Variants in HEXB observed in about 807,000 individuals in gnomAD.
HEXB encodes hexosaminidase subunit beta.
HEXB carries 51 observed loss-of-function variants against 71.2 expected under a neutral mutation model. The observed-to-expected ratio is 0.72, with a 90% CI of 0.57 to 0.90. HEXB has a LOEUF of 0.90. HEXB is among the 40% of genes least tolerant of loss of function. HEXB has a pLI of 0.00. For missense variants in HEXB, 617 were observed against 677.0 expected (o/e 0.91, Z 0.98); for synonymous variants, 266 against 249.3 (o/e 1.07, Z -0.63).
intron 1 of HEXB, among the ~76,000 whole-genome samples, chr5:74,672,194 C>A (rs1748553183): frequency 6.6e-6 from 1 of 152,240 alleles, no homozygotes. Flanking sequence ...ATCCATCTCC[C>A]TGCCTGTGGT....
chr5:74,685,576 C>G lies in HEXB; in HGVS notation c.299+17C>G, dbSNP rs1330683505. Reference sequence around the variant, plus strand: ...GTTTCGACGGTGAGCGCTCCCGGCCCGGCCGGGAGTTGTCCTGGGGGAGGG... The same window carrying G: ...GTTTCGACGGTGAGCGCTCCCGGCCGGGCCGGGAGTTGTCCTGGGGGAGGG... On this transcript the variant is annotated intron_variant, in intron 1 of 13. Coordinates refer to ENST00000261416, the MANE Select transcript of HEXB (RefSeq NM_000521.4). 6 of 1,530,554 alleles carry G rather than the reference C, an allele frequency of 3.9e-6. No homozygotes were observed. Among genetic ancestry groups the G allele is most frequent in the Non-Finnish European group, 5.3e-6 (6 of 1,142,074 alleles). The allele number at this position is 1,530,554 out of a possible 1,614,324, so 94.8% of individuals were successfully genotyped here.
chr5:74,650,069 C>A (rs1162284720), intron 1 of HEXB, among the ~76,000 whole-genome samples: 1 of 152,232 alleles, frequency 6.6e-6, no homozygotes, highest in Non-Finnish European at 1.5e-5. Context: ...AACTTCTTGG[C>A]TGTAGCCAGC....
chr5:74,674,619 AAAG>A (rs1554033720), intron 1 of HEXB, among the ~76,000 whole-genome samples: 11 of 151,616 alleles, frequency 7.3e-5, no homozygotes, highest in South Asian at 2.1e-4. Flanking sequence ...AAAAAAAAAA[AAAG>A]AAGAAGAAGA....
intron 1 of HEXB, among the ~76,000 whole-genome samples, chr5:74,644,107 T>C (rs1179119227): frequency 6.6e-6 from 1 of 152,174 alleles, no homozygotes; most frequent in Non-Finnish European, 1.5e-5. Context: ...CACCTCCCAG[T>C]AGCACATATG....
intron 6 of HEXB, among the ~76,000 whole-genome samples, chr5:74,709,960 C>A (rs1416934677): frequency 6.6e-6 from 1 of 151,336 alleles, no homozygotes; most frequent in East Asian, 1.9e-4. Context: ...ATCCTGATAC[C>A]AAAGCCGGGC....
In HEXB at chr5:74,651,371, C is replaced by T. The variant is rs572895175; in HGVS notation, c.-377+10813C>T. ...ATTTATAGCATGAATAAATTTAATA[C>T]GTTTAACAAATGAATGAATGGCTCT... On this transcript the variant is annotated intron_variant, in intron 1 of 13. Coordinates refer to the HEXB transcript ENST00000511181. Among the ~76,000 whole-genome samples, 39 of 152,318 alleles carry T rather than the reference C, an allele frequency of 2.6e-4. 1 individual carries two copies. The highest frequency in any genetic ancestry group is 5.8e-4 in the East Asian group (3 of 5,192).
At chr5:74,691,804 T>A (rs1368345365) in intron 2 of HEXB, among the ~76,000 whole-genome samples, 1 of 152,198 alleles carries the variant, frequency 6.6e-6, no homozygotes, top group Non-Finnish European at 1.5e-5. Context: ...ATTTGTATAT[T>A]CACCCTCCAA....
intron 5 of HEXB, among the ~76,000 whole-genome samples, chr5:74,702,919 T>C (rs1749297103): frequency 6.6e-6 from 1 of 152,192 alleles, no homozygotes; most frequent in Non-Finnish European, 1.5e-5. Context: ...GGTTACTATG[T>C]TATTCAGGAT....
chr5:74,652,174 TC>T lies in HEXB; in HGVS notation c.-377+11618del, dbSNP rs1245316378. Among the ~76,000 whole-genome samples the T allele has an allele frequency of 1.3e-5, 2 of 152,240 alleles. No homozygotes were observed. The highest frequency in any genetic ancestry group is 1.3e-4 in the Admixed American group (2 of 15,288). On this transcript the variant is annotated intron_variant, in intron 1 of 13. Coordinates refer to the HEXB transcript ENST00000511181. This position sits in a 1 kb window ranked among gnomAD's most constrained non-coding sequence, Gnocchi z 5.4. ...GATCAACCATAAATAATAATTAATG[TC>T]CATTTAGAGTCACAGTGGTTTACCT... is the stretch of plus-strand genomic sequence containing the variant.
At position 74,721,151 on chromosome 5, in the gene HEXB, A is replaced by G. The variant is rs1293750153; in HGVS notation, c.1647A>G (p.Gly549=). The G allele has an allele frequency of 6.2e-7, 1 of 1,613,408 alleles. No homozygotes were observed. Among genetic ancestry groups the G allele is most frequent in the Non-Finnish European group, 8.5e-7 (1 of 1,179,456 alleles). ...TAGCTGCACAACCTCTTTATGCTGG[A>G]TATTGTAACCATGAGAACATGTAAA... The part of the protein sequence containing the change: ...RGIAAQPLYA[G]YCNHENM The change falls in exon 14 of 14, where the codon GGA becomes GGG. Residue 549 remains glycine (G), a synonymous_variant. Transcript: ENST00000261416.
chr5:74,703,848 A>T (rs1390045650), intron 5 of HEXB, among the ~76,000 whole-genome samples: 1 of 152,056 alleles, frequency 6.6e-6, no homozygotes, highest in African/African-American at 2.4e-5. Flanking sequence ...CTAATTTCTT[A>T]AAAATTTTTT....
intron 5 of HEXB, among the ~76,000 whole-genome samples, chr5:74,702,896 G>T (rs11749240): frequency 0.1 from 15,255 of 152,192 alleles, 902 homozygotes; most frequent in East Asian, 0.14. Flanking sequence ...ATTTTTATCA[G>T]TGTGGACTCA....
chr5:74,698,493 G>A (rs967750364), intron 5 of HEXB, among the ~76,000 whole-genome samples: 9 of 151,964 alleles, frequency 5.9e-5, no homozygotes, highest in Admixed American at 4.6e-4. Flanking sequence ...CCGGATTCAA[G>A]CAATTCTCCT....
chr5:74,689,987 T>G, intron 2 of HEXB: 1 of 141,814 alleles, frequency 7.1e-6, no homozygotes, highest in Non-Finnish European at 1.4e-5. Flanking sequence ...TAATCTCTTT[T>G]GGACATCTAG....
chr5:74,663,174 T>C (rs918491100), intron 1 of HEXB, among the ~76,000 whole-genome samples: 2 of 135,300 alleles, frequency 1.5e-5, no homozygotes, highest in African/African-American at 6.0e-5. Context: ...ACCTCTTTCT[T>C]TCTTTTTCCT....
At chr5:74,719,386 G>A (rs1749759236) in intron 11 of HEXB, among the ~76,000 whole-genome samples, 1 of 152,154 alleles carries the variant, frequency 6.6e-6, no homozygotes, top group Non-Finnish European at 1.5e-5. Flanking sequence ...TTCAGGCTGT[G>A]TTGTCTTAGG....
At chr5:74,700,051 G>T (rs1749225582) in intron 5 of HEXB, among the ~76,000 whole-genome samples, 2 of 115,250 alleles carry the variant, frequency 1.7e-5, no homozygotes, top group Admixed American at 1.3e-4. Flanking sequence ...CTGTTGCCCA[G>T]ACTGGAGTGC....
chr5:74,692,735 C>G (rs1749031170), intron 2 of HEXB, among the ~76,000 whole-genome samples: 1 of 152,106 alleles, frequency 6.6e-6, no homozygotes, highest in South Asian at 2.1e-4. Flanking sequence ...ATAAACCACC[C>G]CAGAGGACAC....
intron 6 of HEXB, among the ~76,000 whole-genome samples, chr5:74,707,905 G>A (rs1308168453): frequency 6.6e-6 from 1 of 152,152 alleles, no homozygotes; most frequent in Non-Finnish European, 1.5e-5. Context: ...ATCTAGCAAG[G>A]CAGGCCAACA....
Sources: allele counts gnomAD v4.1 joint callset (sites outside exome capture counted in the v4.1 genomes callset), GRCh38; gene constraint gnomAD v4.1.1; non-coding constraint Gnocchi (gnomAD v3.1); transcripts MANE v1.5; gene names NCBI Gene and HGNC (gene_info 2026-07-23, HGNC 2026-07-21).